MGAT1: variants seen among roughly 807,000 people sequenced by gnomAD.
The protein encoded by MGAT1 is alpha-1,3-mannosyl-glycoprotein 2-beta-N-acetylglucosaminyltransferase, also known as N-glycosyl-oligosaccharide-glycoprotein N-acetylglucosaminyltransferase I.
A neutral mutation model predicts 31.7 loss-of-function variants in MGAT1; 14 were observed. The ratio of observed to expected loss-of-function variants is 0.44; its 90% CI spans 0.29 to 0.69. The LOEUF (loss-of-function observed/expected upper bound fraction) is 0.69. MGAT1 is among the 30% of genes least tolerant of loss of function. The pLI, the probability that MGAT1 is intolerant of heterozygous loss-of-function variation, is 0.12. For synonymous variants in MGAT1, 338 were observed against 276.0 expected, an observed-to-expected ratio of 1.22 and a Z score of -2.23; for missense variants, 557 against 626.0, an observed-to-expected ratio of 0.89 and a Z score of 1.18.
intron 1 of MGAT1, among the ~76,000 whole-genome samples, chr5:180,811,585 C>G (rs1260518944): frequency 1.3e-5 from 2 of 150,408 alleles, no homozygotes; most frequent in Admixed American, 6.7e-5. Context: ...TACCTTCAAT[C>G]TGTGTCTAGG....
At chr5:180,794,411 T>TTATATA (rs1554130047) in intron 1 of MGAT1, among the ~76,000 whole-genome samples, 1 of 141,982 alleles carries the variant, frequency 7.0e-6, no homozygotes, top group African/African-American at 2.8e-5. Flanking sequence ...TTTTTTTTTA[T>TTATATA]TATATATATA....
At chr5:180,814,889 T>C (rs1335510313) in intron 1 of MGAT1, among the ~76,000 whole-genome samples, 1 of 149,758 alleles carries the variant, frequency 6.7e-6, no homozygotes, top group Non-Finnish European at 1.5e-5. Flanking sequence ...TGCAGTGAGC[T>C]GAGATCGCGC....
At chr5:180,793,909 C>A (rs1581814878) in intron 1 of MGAT1, among the ~76,000 whole-genome samples, 1 of 152,228 alleles carries the variant, frequency 6.6e-6, no homozygotes, top group East Asian at 1.9e-4. Context: ...CTGAAAGACA[C>A]AAAAGAACAT....
At position 180,787,294 on chromosome 5, in the gene MGAT1, G is replaced by A. The variant is rs746124501; in HGVS notation, c.*4340C>T. 2.6e-5 allele frequency: 4 copies of A among 152,296 alleles called. No homozygotes were observed. Among genetic ancestry groups the A allele is most frequent in the Non-Finnish European group, 1.5e-5 (1 of 68,092 alleles). 9.4% of individuals were successfully genotyped at this position (152,296 alleles called of 1,614,324 possible). A position where few individuals can be genotyped will look rare whatever the true frequency, so the allele number is the denominator to read the frequency against. On this transcript the variant is annotated 3_prime_UTR_variant, in exon 2 of 2. Coordinates refer to ENST00000307826, the MANE Select transcript of MGAT1 (RefSeq NM_002406.4). ...CTGGTGTCTACTTCCTAAACTCCCT[G>A]TGAATTGCCAGGGGCCAGAATGTGG...
chr5:180,794,963 T>C (rs909889390), intron 1 of MGAT1, among the ~76,000 whole-genome samples: 2 of 152,144 alleles, frequency 1.3e-5, no homozygotes, highest in Non-Finnish European at 2.9e-5. Flanking sequence ...GATAAACAAA[T>C]TGTGGTTTAC....
At chr5:180,814,556 T>C (rs1328229163) in intron 1 of MGAT1, among the ~76,000 whole-genome samples, 1 of 152,234 alleles carries the variant, frequency 6.6e-6, no homozygotes, top group Admixed American at 6.5e-5. Flanking sequence ...TTTTACACTT[T>C]CTTTCGAGAT....
intron 2 of MGAT1, among the ~76,000 whole-genome samples, chr5:180,807,864 C>G (rs894451280): frequency 6.6e-6 from 1 of 152,222 alleles, no homozygotes; most frequent in Non-Finnish European, 1.5e-5. Flanking sequence ...AAGAAGAAAA[C>G]AGAACTCCTG....
chr5:180,799,789 G>A lies in MGAT1; in HGVS notation c.-127+2891C>T, dbSNP rs1355472746. On this transcript the variant is annotated intron_variant, in intron 1 of 1. Coordinates refer to ENST00000307826, the MANE Select transcript of MGAT1 (RefSeq NM_002406.4). Reference sequence around the variant, plus strand: ...TGAGGGTCTATGTTCCCTCCCTTTGGTTCTGGGAAGAGATGCTATGTGACT... The same window carrying A: ...TGAGGGTCTATGTTCCCTCCCTTTGATTCTGGGAAGAGATGCTATGTGACT... Among the ~76,000 whole-genome samples the A allele has an allele frequency of 3.3e-5, 5 of 152,170 alleles. 1 individual carries two copies. The East Asian group carries it at 9.6e-4, about 29-fold the overall frequency.
At chr5:180,807,203 G>A (rs577746863), upstream of MGAT1, among the ~76,000 whole-genome samples, 2 of 152,224 alleles carry the variant, frequency 1.3e-5, no homozygotes, top group South Asian at 4.1e-4. Context: ...CCATCCTCAA[G>A]GAACATGTGA....
chr5:180,793,233 T>C (rs747171093), intron 1 of MGAT1, 136 bp from the exon 2 acceptor site: 28 of 538,524 alleles, frequency 5.2e-5, no homozygotes, highest in Middle Eastern at 4.8e-4. Flanking sequence ...CAGAGCTCTC[T>C]AGGGAGTCAA....
intron 2 of MGAT1, chr5:180,808,611 G>C (rs1256213474): frequency 1.3e-5 from 2 of 152,304 alleles, no homozygotes; most frequent in Non-Finnish European, 2.9e-5. Context: ...CACAGGCACA[G>C]CAAGACATTA....
chr5:180,801,724 G>A (rs1456738912), intron 1 of MGAT1, among the ~76,000 whole-genome samples: 1 of 152,206 alleles, frequency 6.6e-6, no homozygotes, highest in Non-Finnish European at 1.5e-5. Flanking sequence ...AGGTGACAGG[G>A]TTGATTTGGT....
At position 180,785,897 on chromosome 5, in the gene MGAT1, G is replaced by A. The variant is rs1187183036; in HGVS notation, c.*5737C>T. 2 of 152,322 alleles carry A rather than the reference G, an allele frequency of 1.3e-5. No individual in the cohort carries two copies. Among genetic ancestry groups the A allele is most frequent in the African/African-American group, 4.8e-5 (2 of 41,482 alleles). 9.4% of individuals were successfully genotyped at this position (152,322 alleles called of 1,614,324 possible). A position where few individuals can be genotyped will look rare whatever the true frequency, so the allele number is the denominator to read the frequency against. On this transcript the variant is annotated 3_prime_UTR_variant, in exon 2 of 2. Transcript: ENST00000307826. The stretch of plus-strand genomic sequence containing the variant: ...CCTCTTCTTACAGCTGTGCTGAGAC[G>A]TTTTTGGCTGGGGCAGGGCTGCTGC...
intron 1 of MGAT1, among the ~76,000 whole-genome samples, chr5:180,794,543 C>A (rs1438019496): frequency 1.3e-5 from 2 of 151,922 alleles, no homozygotes; most frequent in African/African-American, 4.8e-5. Flanking sequence ...ACAAAAAAAT[C>A]TAATATGTAA....
Position 180,792,274 on chromosome 5 carries a change from G to C in MGAT1, c.698C>G (p.Pro233Arg). ...CCAGGCCGAGACGCACCACAGGGAG[G>C]GGTCGGCCTTCAGCAGCGGATAGGT... ...RATYPLLKADPSLWCVSAWND... is the reference protein window; with the variant it reads ...RATYPLLKADRSLWCVSAWND... Residue 233 changes from proline (P) to arginine (R), a missense_variant, in exon 2 of 2, where the codon CCC becomes CGC. By Grantham distance (103) the Pro-to-Arg change is moderately radical. This residue lies in a region of MGAT1 where 245 missense variants were observed against 332.9 expected (regional missense o/e 0.74). Transcript: ENST00000307826. 5 of 1,612,220 alleles carry C rather than the reference G, an allele frequency of 3.1e-6. No individual in the cohort carries two copies. Among genetic ancestry groups the C allele is most frequent in the Non-Finnish European group, 4.2e-6 (5 of 1,179,248 alleles).
chr5:180,792,984 C>T lies in MGAT1; in HGVS notation c.-13G>A, dbSNP rs3733751. 1.5e-3 allele frequency: 2,402 copies of T among 1,612,628 alleles called. 32 individuals carry two copies. In the East Asian group the frequency reaches 0.035, roughly 24 times the overall value. ...GCTTCTTCAGCATCCTGGCCCCCAC[C>T]GGGGAGGGCAGGCCAGGGGACGGTT... On this transcript the variant is annotated 5_prime_UTR_variant, in exon 2 of 2. Transcript: ENST00000307826.
intron 1 of MGAT1, among the ~76,000 whole-genome samples, chr5:180,795,104 T>C (rs917369268): frequency 6.6e-6 from 1 of 152,124 alleles, no homozygotes; most frequent in East Asian, 1.9e-4. Context: ...TGTGATTCCA[T>C]TGACATAAAA....
chr5:180,806,819 G>A (rs1281544508), upstream of MGAT1, among the ~76,000 whole-genome samples: 1 of 152,244 alleles, frequency 6.6e-6, no homozygotes, highest in African/African-American at 2.4e-5. Context: ...TACCAGAGAT[G>A]GCTGAGGAGG....
upstream of MGAT1, among the ~76,000 whole-genome samples, chr5:180,807,630 T>C (rs944297799): frequency 1.3e-5 from 2 of 152,174 alleles, no homozygotes; most frequent in African/African-American, 4.8e-5. Context: ...CACCCCCTCT[T>C]TAATCAGCTA....
Sources: gnomAD v4.1 joint callset for allele counts (sites outside exome capture counted in the v4.1 genomes callset) on GRCh38, gnomAD v4.1.1 for gene constraint, gnomAD v4.1.1 regional missense constraint, MANE v1.5 for transcripts, NCBI Gene and HGNC (gene_info 2026-07-23, HGNC 2026-07-21) for gene names.